The following PNRC2 variants were observed in gnomAD, a reference collection of about 807,000 sequenced individuals.
The protein encoded by PNRC2 is proline rich nuclear receptor coactivator 2, also known as proline-rich nuclear receptor coactivator 2.
Under a neutral mutation model 12.2 loss-of-function variants are expected in PNRC2, and 2 were observed. The observed-to-expected ratio is 0.16, with a 90% CI of 0.07 to 0.52. The LOEUF (loss-of-function observed/expected upper bound fraction) is 0.52. PNRC2 is among the 20% of genes least tolerant of loss of function. The pLI is 0.95. For missense variants in PNRC2, 115 were observed against 158.4 expected, an observed-to-expected ratio of 0.73 and a Z score of 1.47; for synonymous variants, 44 against 53.9, an observed-to-expected ratio of 0.82 and a Z score of 0.80.
At chr1:23,961,263 GTGC>G in intron 2 of PNRC2, 129 bp downstream of exon 2, 1 of 536,760 alleles carries the variant, frequency 1.9e-6, no homozygotes, top group Non-Finnish European at 3.3e-6. Flanking sequence ...AATAAAGGTT[GTGC>G]ATATATTGAA....
upstream of PNRC2, chr1:23,959,270 T>G (rs1641232290): frequency 6.9e-6 from 1 of 143,930 alleles, no homozygotes; most frequent in African/African-American, 2.5e-5. Flanking sequence ...ATTGCGGGGC[T>G]GGAGGGTGGG....
Position 23,962,249 on chromosome 1 carries a change from A to T in PNRC2, c.*372A>T, listed in dbSNP as rs1641294611. 5.3e-6 allele frequency: 1 copy of T among 187,600 alleles called. No individual in the cohort carries two copies. Among genetic ancestry groups the T allele is most frequent in the Admixed American group, 5.5e-5 (1 of 18,042 alleles). 11.6% of individuals were successfully genotyped at this position (187,600 alleles called of 1,614,324 possible). A position where few individuals can be genotyped will look rare whatever the true frequency, so the allele number is the denominator to read the frequency against. On this transcript the variant is annotated 3_prime_UTR_variant, in exon 3 of 3. Transcript: ENST00000334351. ...AACACAAGGATTCAGAATTAGGTAA[A>T]CATCTGAAGGTTTAGTATATTAGAA...
At position 23,961,938 on chromosome 1, in the gene PNRC2, A is replaced by C; in HGVS notation, c.*61A>C. 1.0e-6 allele frequency: 1 copy of C among 976,488 alleles called. No homozygotes were observed. The highest frequency in any genetic ancestry group is 2.5e-5 in the East Asian group (1 of 40,068). The allele number at this position is 976,488 out of a possible 1,614,324, so 60.5% of individuals were successfully genotyped here. On this transcript the variant is annotated 3_prime_UTR_variant, in exon 3 of 3. Transcript: ENST00000334351. Reference sequence around the variant, plus strand: ...GATAGTTGTCAATTGGTCTGAAACAAATTCGCTAGGGAATCTATTTGTGTA... The same window carrying C: ...GATAGTTGTCAATTGGTCTGAAACACATTCGCTAGGGAATCTATTTGTGTA...
At chr1:23,959,780 C>T (rs1641241376), upstream of PNRC2, 2 of 152,452 alleles carry the variant, frequency 1.3e-5, no homozygotes, top group African/African-American at 2.4e-5. Flanking sequence ...TTTGATTGGC[C>T]GCGGAGCCTC....
In PNRC2 at chr1:23,961,911, C is replaced by T. The variant is rs752843058; in HGVS notation, c.*34C>T. The T allele has an allele frequency of 4.4e-5, 60 of 1,367,912 alleles. 1 individual carries two copies. Among genetic ancestry groups the T allele is most frequent in the African/African-American group, 1.3e-4 (9 of 68,316 alleles). The allele number at this position is 1,367,912 out of a possible 1,614,324, so 84.7% of individuals were successfully genotyped here. A position where few individuals can be genotyped will look rare whatever the true frequency, so the allele number is the denominator to read the frequency against. On this transcript the variant is annotated 3_prime_UTR_variant, in exon 3 of 3. Coordinates refer to ENST00000334351, the MANE Select transcript of PNRC2 (RefSeq NM_017761.4). ...AAATGTTTAAATTTAGTTATGTTCACGGATAGTTGTCAATTGGTCTGAAAC... is the reference window on the plus strand; with the variant it reads ...AAATGTTTAAATTTAGTTATGTTCATGGATAGTTGTCAATTGGTCTGAAAC...
Position 23,960,667 on chromosome 1 carries a change from C to A in PNRC2, c.-224-262C>A, listed in dbSNP as rs932339628. 2.3e-3 allele frequency among the ~76,000 whole-genome samples: 348 copies of A among 152,268 alleles called. 4 individuals are homozygous for A. The highest frequency in any genetic ancestry group is 8.1e-3 in the African/African-American group (335 of 41,550). Reference sequence around the variant, plus strand: ...TACGCGAGAGAATCTGAAGGTCTTTCCCAGGAAAAAGATAAAGATAAAACT... The same window carrying A: ...TACGCGAGAGAATCTGAAGGTCTTTACCAGGAAAAAGATAAAGATAAAACT... On this transcript the variant is annotated intron_variant, in intron 1 of 2. Coordinates refer to ENST00000334351, the MANE Select transcript of PNRC2 (RefSeq NM_017761.4).
chr1:23,962,016 A>G lies in PNRC2; in HGVS notation c.*139A>G, dbSNP rs1241148726. Reference sequence around the variant, plus strand: ...CATCTCGTGTTGTGTGCACTGTGATATAATGGTAGTATCAGTGCAACTTAA... The same window carrying G: ...CATCTCGTGTTGTGTGCACTGTGATGTAATGGTAGTATCAGTGCAACTTAA... On this transcript the variant is annotated 3_prime_UTR_variant, in exon 3 of 3. Transcript: ENST00000334351. 6 of 599,180 alleles carry G rather than the reference A, an allele frequency of 1.0e-5. No individual in the cohort carries two copies. Among genetic ancestry groups the G allele is most frequent in the African/African-American group, 1.0e-4 (5 of 50,232 alleles). 37.1% of individuals were successfully genotyped at this position (599,180 alleles called of 1,614,324 possible).
chr1:23,963,431 T>G lies in PNRC2; in HGVS notation c.*1554T>G, dbSNP rs1426418217. On this transcript the variant is annotated 3_prime_UTR_variant, in exon 3 of 3. Coordinates refer to ENST00000334351, the MANE Select transcript of PNRC2 (RefSeq NM_017761.4). ...TGTGAAGCATAAAATTAAATAAAAT[T>G]TTTCCCCATTGGCTTGGTTTTATTT... The G allele has an allele frequency of 6.0e-6, 1 of 165,894 alleles. No individual in the cohort carries two copies. Among genetic ancestry groups the G allele is most frequent in the African/African-American group, 2.4e-5 (1 of 41,424 alleles). The allele number at this position is 165,894 out of a possible 1,614,324, so 10.3% of individuals were successfully genotyped here.
Position 23,961,641 on chromosome 1 carries a change from G to T in PNRC2, c.184G>T (p.Gly62Trp). ...AGCTGCCTGGCAGGCCATGCAAAATGGGGGGAAGAACAAAAATTTTCCAAA... is the reference window on the plus strand; with the variant it reads ...AGCTGCCTGGCAGGCCATGCAAAATTGGGGGAAGAACAAAAATTTTCCAAA... ...SAAAWQAMQN[G>W]GKNKNFPNNQ... Residue 62 changes from glycine (G) to tryptophan (W), a missense_variant, in exon 3 of 3, where the codon GGG becomes TGG. This residue lies in a region of PNRC2 where 98 missense variants were observed against 112.4 expected (regional missense o/e 0.87). Coordinates refer to ENST00000334351, the MANE Select transcript of PNRC2 (RefSeq NM_017761.4). The T allele has an allele frequency of 6.2e-7, 1 of 1,613,792 alleles. No individual in the cohort carries two copies. The highest frequency in any genetic ancestry group is 2.2e-5 in the East Asian group (1 of 44,886).
chr1:23,960,741 A>T (rs1641261671), intron 1 of PNRC2, among the ~76,000 whole-genome samples, 188 bp from the exon 2 acceptor site: 1 of 152,240 alleles, frequency 6.6e-6, no homozygotes, highest in Non-Finnish European at 1.5e-5. Context: ...GAGTGACTGG[A>T]TCTCAAGGGT....
At chr1:23,959,524 GCA>G (rs1344676622), upstream of PNRC2, among the ~76,000 whole-genome samples, 1 of 151,958 alleles carries the variant, frequency 6.6e-6, no homozygotes, top group African/African-American at 2.4e-5. Context: ...GAGCCCGCGC[GCA>G]CGAGAGCCGA....
At position 23,961,449 on chromosome 1, in the gene PNRC2, A is replaced by C. The variant is rs1022288457; in HGVS notation, c.-9A>C. The C allele has an allele frequency of 9.5e-6, 15 of 1,573,278 alleles. No individual in the cohort carries two copies. In the Admixed American group the frequency reaches 2.2e-4, roughly 23 times the overall value. ...TTCCATTCACTTGTAGGTGACAAAG[A>C]AGCTGAAGATGGGTGGTGGAGAGAG... On this transcript the variant is annotated 5_prime_UTR_variant, in exon 3 of 3. Transcript: ENST00000334351.
rs1557551417 is a variant in PNRC2 at position 23,961,686 on chromosome 1, A to G, written c.229A>G (p.Ser77Gly). 6.2e-7 allele frequency: 1 copy of G among 1,614,000 alleles called. No homozygotes were observed. The highest frequency in any genetic ancestry group is 8.5e-7 in the Non-Finnish European group (1 of 1,179,848). ...TCCAAATAATCAAAGTTGGAATTCT[A>G]GCTTATCAGGTCCCAGGTTACTTTT... is the stretch of plus-strand genomic sequence containing the variant. ...NFPNNQSWNS[S>G]LSGPRLLFKS... Residue 77 changes from serine (S) to glycine (G), a missense_variant, in exon 3 of 3, where the codon AGC (serine) becomes GGC (glycine). Around this residue, in one of 2 missense-constraint regions of PNRC2, gnomAD observed 98 missense variants for 112.4 expected, o/e 0.87. Transcript: ENST00000334351.
At position 23,959,840 on chromosome 1, in the gene PNRC2, A is replaced by G. The variant is rs754374401; in HGVS notation, c.-383A>G. The G allele has an allele frequency of 3.3e-5, 5 of 152,324 alleles. No individual in the cohort carries two copies. The highest frequency in any genetic ancestry group is 7.3e-5 in the Non-Finnish European group (5 of 68,112). The allele number at this position is 152,324 out of a possible 1,614,324, so 9.4% of individuals were successfully genotyped here. A position where few individuals can be genotyped will look rare whatever the true frequency, so the allele number is the denominator to read the frequency against. ...CCGACTCCATTTTGTCGGTAGAGGC[A>G]GAAGGAGAAGGTCGGGTTGTAGAAG... On this transcript the variant is annotated 5_prime_UTR_variant, in exon 1 of 3. Coordinates refer to ENST00000334351, the MANE Select transcript of PNRC2 (RefSeq NM_017761.4).
At chr1:23,959,243 G>A (rs1195879128), upstream of PNRC2, 1 of 152,346 alleles carries the variant, frequency 6.6e-6, no homozygotes, top group African/African-American at 2.4e-5. Flanking sequence ...CCTTCACAGG[G>A]AGGCAACTTT....
chr1:23,961,520 A>T lies in PNRC2; in HGVS notation c.63A>T (p.Gln21His), dbSNP rs960541685. ...APQSRNVSKN[Q>H]QQLNRQKTKE... ...AATCTAGAAATGTTAGTAAGAACCA[A>T]CAACAGCTTAACAGACAGAAGACCA... Residue 21 changes from glutamine (Q) to histidine (H), a missense_variant, in exon 3 of 3, where the codon CAA becomes CAT. Around this residue, in one of 2 missense-constraint regions of PNRC2, gnomAD observed 98 missense variants for 112.4 expected, o/e 0.87. Transcript: ENST00000334351. 2 of 1,613,170 alleles carry T rather than the reference A, an allele frequency of 1.2e-6. No homozygotes were observed. The highest frequency in any genetic ancestry group is 2.7e-5 in the African/African-American group (2 of 74,796).
Position 23,961,698 on chromosome 1 carries a change from C to T in PNRC2, c.241C>T (p.Pro81Ser). 1 of 1,613,938 alleles carries T rather than the reference C, an allele frequency of 6.2e-7. No individual in the cohort carries two copies. The highest frequency in any genetic ancestry group is 8.5e-7 in the Non-Finnish European group (1 of 1,179,836). Residue 81 changes from proline (P) to serine (S), a missense_variant, in exon 3 of 3, where the codon CCC (proline) becomes TCC (serine). This residue lies in a region of PNRC2 where 98 missense variants were observed against 112.4 expected (regional missense o/e 0.87). Coordinates refer to ENST00000334351, the MANE Select transcript of PNRC2 (RefSeq NM_017761.4). ...AAGTTGGAATTCTAGCTTATCAGGT[C>T]CCAGGTTACTTTTTAAATCTCAAGC... is the stretch of plus-strand genomic sequence containing the variant. Reference protein sequence around the residue: ...NQSWNSSLSGPRLLFKSQANQ... With the variant: ...NQSWNSSLSGSRLLFKSQANQ...
chr1:23,961,179 A>T (rs1641269723), intron 2 of PNRC2, 45 bp downstream of exon 2: 2 of 440,916 alleles, frequency 4.5e-6, no homozygotes, highest in Admixed American at 7.7e-5. Context: ...AACCATCCTA[A>T]ACCAATTGTT....
rs186671270 is a variant in PNRC2 at position 23,963,391 on chromosome 1, T to C, written c.*1514T>C. Reference sequence around the variant, plus strand: ...AAAGACAAGTTTATGTAGTACTTAATGTACATGATATGAATGTGAAGCATA... The same window carrying C: ...AAAGACAAGTTTATGTAGTACTTAACGTACATGATATGAATGTGAAGCATA... On this transcript the variant is annotated 3_prime_UTR_variant, in exon 3 of 3. Coordinates refer to ENST00000334351, the MANE Select transcript of PNRC2 (RefSeq NM_017761.4). 6.8e-6 allele frequency: 1 copy of C among 146,852 alleles called. No individual in the cohort carries two copies. The highest frequency in any genetic ancestry group is 1.8e-5 in the Non-Finnish European group (1 of 54,812). The allele number at this position is 146,852 out of a possible 1,614,324, so 9.1% of individuals were successfully genotyped here.
Sources: gnomAD v4.1 joint callset for allele counts (sites outside exome capture counted in the v4.1 genomes callset) on GRCh38, gnomAD v4.1.1 for gene constraint, gnomAD v4.1.1 regional missense constraint, MANE v1.5 for transcripts, NCBI Gene and HGNC (gene_info 2026-07-23, HGNC 2026-07-21) for gene names.